KDELR3: variants seen among roughly 807,000 people sequenced by gnomAD.
KDELR3 encodes ER lumen protein-retaining receptor 3.
In KDELR3, 26 loss-of-function variants were observed where a neutral mutation model predicts 22.7. The ratio of observed to expected loss-of-function variants is 1.15; its 90% CI spans 0.84 to 1.59. KDELR3 has a LOEUF of 1.59. Ranked by LOEUF, KDELR3 falls within the 40% of genes most tolerant of loss-of-function variation. The pLI is 0.00. For synonymous variants in KDELR3, 120 were observed against 98.2 expected, an observed-to-expected ratio of 1.22 and a Z score of -1.31; for missense variants, 289 against 251.1, an observed-to-expected ratio of 1.15 and a Z score of -1.02.
chr22:38,478,787 C>T (rs573934559), intron 2 of KDELR3, among the ~76,000 whole-genome samples: 7 of 150,586 alleles, frequency 4.6e-5, no homozygotes, highest in Admixed American at 2.6e-4. Context: ...GGATTACAGG[C>T]GCCCGCATGC....
chr22:38,469,947 G>A (rs969876307), intron 1 of KDELR3, among the ~76,000 whole-genome samples: 7 of 152,066 alleles, frequency 4.6e-5, no homozygotes, highest in African/African-American at 1.5e-4. Context: ...AGCCTCCTGA[G>A]TAGCTGGGAT....
At position 38,468,412 on chromosome 22, in the gene KDELR3, G is replaced by A. The variant is rs1490760101; in HGVS notation, c.91+88G>A. 5.1e-6 allele frequency: 6 copies of A among 1,168,546 alleles called. No individual in the cohort carries two copies. The Admixed American group carries it at 1.1e-4, about 22-fold the overall frequency. 72.4% of individuals were successfully genotyped at this position (1,168,546 alleles called of 1,614,324 possible). A position where few individuals can be genotyped will look rare whatever the true frequency, so the allele number is the denominator to read the frequency against. The stretch of plus-strand genomic sequence containing the variant: ...GCAGGGCAGGGCGCTCCAGGTGTCT[G>A]CTCAGGGTGGGGACTCCGGCGTGGG... On this transcript the variant is annotated intron_variant, in intron 1 of 4. Transcript: ENST00000216014.
intron 2 of KDELR3, among the ~76,000 whole-genome samples, chr22:38,477,896 AGAG>A (rs1167019079): frequency 1.3e-5 from 2 of 152,190 alleles, no homozygotes; most frequent in Non-Finnish European, 2.9e-5. Context: ...GGAAGCTCAA[AGAG>A]GCTAGTTTCT....
At chr22:38,470,087 TGGTGCTGGGATTGTAGGCGTG>T (rs1387774912) in intron 1 of KDELR3, among the ~76,000 whole-genome samples, 40 of 150,782 alleles carry the variant, frequency 2.7e-4, no homozygotes, top group Non-Finnish European at 1.0e-4. Flanking sequence ...CCGAAAGTGC[TGGTGCTGGGATTGTAGGCGTG>T]GGCCACTGCG....
chr22:38,473,974 AAAAAAAG>A (rs138424), intron 1 of KDELR3, among the ~76,000 whole-genome samples: 151,087 of 151,124 alleles, frequency 1, 75,525 homozygotes, highest in Middle Eastern at 1. Flanking sequence ...ACTCCATCTC[AAAAAAAG>A]AAAAAAGAAA....
At chr22:38,474,326 A>G in intron 1 of KDELR3, 197 bp from the exon 2 acceptor site, 1 of 534,338 alleles carries the variant, frequency 1.9e-6, no homozygotes, top group East Asian at 3.3e-5. Context: ...GTTTAATGAG[A>G]GGAACGACGA....
Position 38,482,283 on chromosome 22 carries a change from C to T in KDELR3, c.605-213C>T, listed in dbSNP as rs77771564. Among the ~76,000 whole-genome samples the T allele has an allele frequency of 4.2e-3, 632 of 152,262 alleles. 6 individuals are homozygous for T. Among genetic ancestry groups the T allele is most frequent in the African/African-American group, 0.014 (573 of 41,548 alleles). Reference sequence around the variant, plus strand: ...GTACAATAGACAATTTGAGGCCAATCGCTAAGTTTACAGCTGGGGGGAAGG... The same window carrying T: ...GTACAATAGACAATTTGAGGCCAATTGCTAAGTTTACAGCTGGGGGGAAGG... On this transcript the variant is annotated intron_variant, in intron 4 of 4. Coordinates refer to ENST00000216014, the MANE Select transcript of KDELR3 (RefSeq NM_006855.4).
At chr22:38,468,763 C>T (rs917755399) in intron 1 of KDELR3, among the ~76,000 whole-genome samples, 8 of 152,160 alleles carry the variant, frequency 5.3e-5, no homozygotes, top group East Asian at 1.9e-4. Context: ...AGTGAGCCCT[C>T]GTCCCTCCCC....
intron 4 of KDELR3, among the ~76,000 whole-genome samples, chr22:38,482,033 G>A (rs1015477031): frequency 1.6e-4 from 25 of 152,168 alleles, no homozygotes; most frequent in African/African-American, 6.0e-4. Context: ...CTAGCGCCTC[G>A]TAGGCCAGGG....
chr22:38,469,619 C>T (rs2089511830), intron 1 of KDELR3, among the ~76,000 whole-genome samples: 1 of 152,024 alleles, frequency 6.6e-6, no homozygotes, highest in Non-Finnish European at 1.5e-5. Flanking sequence ...AGTGGGGGAC[C>T]CGGAGCAGCA....
At chr22:38,480,470 T>C (rs2089591681) in intron 3 of KDELR3, among the ~76,000 whole-genome samples, 1 of 152,098 alleles carries the variant, frequency 6.6e-6, no homozygotes, top group Non-Finnish European at 1.5e-5. Flanking sequence ...TGGCTTCAAT[T>C]ATGATTTTAT....
intron 1 of KDELR3, among the ~76,000 whole-genome samples, chr22:38,470,462 A>T (rs992856693): frequency 3.9e-5 from 6 of 152,144 alleles, no homozygotes; most frequent in Non-Finnish European, 8.8e-5. Context: ...AGCAAATGAC[A>T]CGGTTTGTTG....
chr22:38,481,729 T>G, intron 4 of KDELR3: 1 of 1,159,982 alleles, frequency 8.6e-7, no homozygotes, highest in African/African-American at 1.6e-5. Context: ...ATTCCAGAAC[T>G]TATTACAAGC....
rs756894009 is a variant in KDELR3, at chr22:38,481,200, T to C, written c.352-12T>C. Reference sequence around the variant, plus strand: ...TCTTGCTCAGTCTCTGGTTGCTTTCTCTTTGGCTCAGATCCTCTGGACTTT... The same window carrying C: ...TCTTGCTCAGTCTCTGGTTGCTTTCCCTTTGGCTCAGATCCTCTGGACTTT... On this transcript the variant is annotated splice_polypyrimidine_tract_variant and intron_variant, in intron 3 of 4. Transcript: ENST00000216014. 9.3e-6 allele frequency: 15 copies of C among 1,607,158 alleles called. No homozygotes were observed. In the South Asian group the frequency reaches 1.1e-4, roughly 12 times the overall value.
At chr22:38,468,527 G>A (rs528047241) in intron 1 of KDELR3, among the ~76,000 whole-genome samples, 1 of 152,206 alleles carries the variant, frequency 6.6e-6, no homozygotes, top group Non-Finnish European at 1.5e-5. Context: ...ATGATGGGAG[G>A]CGGGTGGGTT....
chr22:38,475,079 CAAAAAAAAAAAAAAAA>C (rs1018109138), intron 2 of KDELR3, among the ~76,000 whole-genome samples: 3 of 20,460 alleles, frequency 1.5e-4, no homozygotes. Context: ...GACTCTGTCT[CAAAAAAAAAAAAAAAA>C]AAAAAAAAAA....
intron 1 of KDELR3, among the ~76,000 whole-genome samples, chr22:38,471,676 C>A (rs913418227): frequency 2.0e-5 from 3 of 152,178 alleles, no homozygotes; most frequent in Non-Finnish European, 4.4e-5. Context: ...TAAAAATGTT[C>A]CCCCAGGCTG....
In KDELR3 at chr22:38,482,569, C is replaced by T. The variant is rs763062119; in HGVS notation, c.*33C>T. Reference sequence around the variant, plus strand: ...CAGAGACAGTCTACGCCTTAACAAGCACATGAAGGAAACTATTTTGAATGT... The same window carrying T: ...CAGAGACAGTCTACGCCTTAACAAGTACATGAAGGAAACTATTTTGAATGT... On this transcript the variant is annotated 3_prime_UTR_variant, in exon 5 of 5. Transcript: ENST00000216014. 1 of 1,565,508 alleles carries T rather than the reference C, an allele frequency of 6.4e-7. No individual in the cohort carries two copies. Among genetic ancestry groups the T allele is most frequent in the Non-Finnish European group, 8.8e-7 (1 of 1,138,230 alleles).
chr22:38,478,543 A>AG (rs2089575580), intron 2 of KDELR3, among the ~76,000 whole-genome samples: 1 of 149,684 alleles, frequency 6.7e-6, no homozygotes, highest in South Asian at 2.1e-4. Flanking sequence ...TCAAAAAAAA[A>AG]AAAAAAAAGG....
Sources: gnomAD v4.1 joint callset for allele counts (sites outside exome capture counted in the v4.1 genomes callset) on GRCh38, gnomAD v4.1.1 for gene constraint, MANE v1.5 for transcripts, NCBI Gene and HGNC (gene_info 2026-07-23, HGNC 2026-07-21) for gene names.